MYO10: variants seen among roughly 807,000 people sequenced by gnomAD.
MYO10 encodes myosin X, also known as unconventional myosin-X.
MYO10 carries 133 observed loss-of-function variants against 257.3 expected under a neutral mutation model. That is an observed-to-expected ratio of 0.52 (90% CI 0.45 to 0.60). The LOEUF (loss-of-function observed/expected upper bound fraction) is 0.60, where lower values mean the gene tolerates loss of function less well. MYO10 is among the 20% of genes least tolerant of loss of function. MYO10 has a pLI of 0.00. For synonymous variants in MYO10, 1,104 were observed against 1,028.6 expected, an observed-to-expected ratio of 1.07 and a Z score of -1.40; for missense variants, 2,399 against 2,635.7, an observed-to-expected ratio of 0.91 and a Z score of 1.97.
intron 19 of MYO10, among the ~76,000 whole-genome samples, chr5:16,711,742 T>C (rs1738630940): frequency 6.6e-6 from 1 of 150,662 alleles, no homozygotes; most frequent in South Asian, 2.1e-4. Context: ...GCCACTGCAC[T>C]ACAGCCTGGT....
At chr5:16,825,791 A>G (rs1742982181) in intron 2 of MYO10, among the ~76,000 whole-genome samples, 1 of 152,116 alleles carries the variant, frequency 6.6e-6, no homozygotes, top group Non-Finnish European at 1.5e-5. Context: ...GGACATTGCA[A>G]TTTGCTGAGA....
At chr5:16,934,141 A>G (rs573223712) in intron 1 of MYO10, among the ~76,000 whole-genome samples, 1 of 152,374 alleles carries the variant, frequency 6.6e-6, no homozygotes, top group South Asian at 2.1e-4. Flanking sequence ...GTGCAAGATG[A>G]AAAGAGTACT....
chr5:16,763,518 C>CGATA lies in MYO10; in HGVS notation c.1456_1457insTATC (p.Trp486LeufsTer13). 6.2e-7 allele frequency: 1 copy of CGATA among 1,612,244 alleles called. No homozygotes were observed. Among genetic ancestry groups the CGATA allele is most frequent in the Non-Finnish European group, 8.5e-7 (1 of 1,178,420 alleles). On this transcript the variant is annotated frameshift_variant, in exon 14 of 41. Coordinates refer to ENST00000513610, the MANE Select transcript of MYO10 (RefSeq NM_012334.3). LOFTEE classifies it high-confidence loss of function. The stretch of plus-strand genomic sequence containing the variant: ...GTCCAGGCATTCTCCATTGTCTATC[C>CGATA]AGTCAATATCTTCCCACACTAATCC...
intron 9 of MYO10, among the ~76,000 whole-genome samples, chr5:16,773,197 TA>T (rs1741106119): frequency 6.6e-6 from 1 of 152,226 alleles, no homozygotes; most frequent in Admixed American, 6.5e-5. Context: ...TTATCAATTT[TA>T]AAAAGCCTAT....
rs374960752 is a variant in MYO10, at chr5:16,673,835, G to A, written c.5019C>T (p.Tyr1673=). The change falls in exon 36 of 41, where the codon TAC becomes TAT. Residue 1673 remains tyrosine, a synonymous_variant. Transcript: ENST00000513610. ...SEMEKYALFT[Y]ESLKKTKCRE... ...GGCATTTGGTTTTCTTAAGAGATTC[G>A]TAAGTGAAGAGAGCGTATTTTTCCA... 52 of 1,613,830 alleles carry A rather than the reference G, an allele frequency of 3.2e-5. No homozygotes were observed. Among genetic ancestry groups the A allele is most frequent in the African/African-American group, 5.3e-5 (4 of 74,904 alleles).
In MYO10 at chr5:16,713,391, A is replaced by C. The variant is rs1342223485; in HGVS notation, c.1930-2146T>G. 3.0e-6 allele frequency: 3 copies of C among 985,720 alleles called. No homozygotes were observed. The African/African-American group carries it at 5.2e-5, about 17-fold the overall frequency. 61.1% of individuals were successfully genotyped at this position (985,720 alleles called of 1,614,324 possible). On this transcript the variant is annotated intron_variant, in intron 19 of 40. Transcript: ENST00000513610. Reference sequence around the variant, plus strand: ...GTTTGGCTCTTGGGCCAAAATTCATATGGAAAACAACTGCCACACTGACCT... The same window carrying C: ...GTTTGGCTCTTGGGCCAAAATTCATCTGGAAAACAACTGCCACACTGACCT...
chr5:16,814,593 A>G (rs1417301331), intron 3 of MYO10: 1 of 152,148 alleles, frequency 6.6e-6, no homozygotes, highest in African/African-American at 2.4e-5. Flanking sequence ...CCAGGATCAA[A>G]TGTGGAGAAG....
At chr5:16,891,913 A>C (rs1264228504) in intron 1 of MYO10, among the ~76,000 whole-genome samples, 1 of 152,236 alleles carries the variant, frequency 6.6e-6, no homozygotes, top group Non-Finnish European at 1.5e-5. Context: ...CACAAGCGAG[A>C]CCTGTACAAA....
intron 33 of MYO10, among the ~76,000 whole-genome samples, chr5:16,677,463 C>T (rs1171917473): frequency 2.2e-4 from 29 of 128,940 alleles, no homozygotes; most frequent in Admixed American, 1.0e-3. Flanking sequence ...TCGCCCAGGC[C>T]GGAGTGCAGT....
At position 16,812,284 on chromosome 5, in the gene MYO10, G is replaced by A. The variant is rs191739930; in HGVS notation, c.279+5725C>T. On this transcript the variant is annotated intron_variant, in intron 3 of 40. Transcript: ENST00000513610. ...GAATCTAACAGGGGCATAGAAGGCC[G>A]GGCTTCTGCACAGGCAGTTACAGCC... is the stretch of plus-strand genomic sequence containing the variant. Among the ~76,000 whole-genome samples, 287 of 152,264 alleles carry A rather than the reference G, an allele frequency of 1.9e-3. 2 individuals are homozygous for A. Among genetic ancestry groups the A allele is most frequent in the African/African-American group, 6.4e-3 (266 of 41,548 alleles).
At chr5:16,672,910 A>G in intron 36 of MYO10, 85 bp from the exon 37 acceptor site, 3 of 1,484,112 alleles carry the variant, frequency 2.0e-6, no homozygotes, top group Non-Finnish European at 2.7e-6. Flanking sequence ...CTGATCCCAG[A>G]GGGAGCTGCT....
intron 1 of MYO10, among the ~76,000 whole-genome samples, chr5:16,909,603 C>T (rs897667162): frequency 2.0e-5 from 3 of 151,824 alleles, no homozygotes; most frequent in Admixed American, 1.3e-4. Flanking sequence ...GATTCAATTA[C>T]CTTCCACTGG....
intron 2 of MYO10, among the ~76,000 whole-genome samples, chr5:16,875,500 TTGG>T (rs1468425919): frequency 6.6e-6 from 1 of 152,196 alleles, no homozygotes; most frequent in Non-Finnish European, 1.5e-5. Context: ...AGACTGGGTG[TTGG>T]TGAAGTGTCC....
chr5:16,860,146 G>C (rs568256919), intron 2 of MYO10, among the ~76,000 whole-genome samples: 1 of 152,046 alleles, frequency 6.6e-6, no homozygotes, highest in Admixed American at 6.6e-5. Context: ...TTCTGTTTTA[G>C]ACACAAAAAG....
intron 19 of MYO10, among the ~76,000 whole-genome samples, chr5:16,744,750 A>G (rs1740136102): frequency 6.6e-6 from 1 of 152,134 alleles, no homozygotes; most frequent in Non-Finnish European, 1.5e-5. Context: ...ACAACATGAA[A>G]GCAAACACAG....
At chr5:16,849,335 A>G (rs758065559) in intron 2 of MYO10, among the ~76,000 whole-genome samples, 10 of 152,214 alleles carry the variant, frequency 6.6e-5, no homozygotes, top group Non-Finnish European at 1.0e-4. Flanking sequence ...GCTTCTAGGC[A>G]TACTCTTCAA....
chr5:16,710,347 C>T (rs1489767792), intron 21 of MYO10, among the ~76,000 whole-genome samples: 1 of 152,096 alleles, frequency 6.6e-6, no homozygotes, highest in Non-Finnish European at 1.5e-5. Flanking sequence ...TGTTCAGGCC[C>T]GACTGCCCAT....
intron 19 of MYO10, among the ~76,000 whole-genome samples, chr5:16,723,412 C>T (rs1371214023): frequency 1.3e-5 from 2 of 151,766 alleles, no homozygotes; most frequent in African/African-American, 2.4e-5. Flanking sequence ...AAAATTAAAA[C>T]GATAATGAAG....
At position 16,776,220 on chromosome 5, in the gene MYO10, T is replaced by C. The variant is rs553129517; in HGVS notation, c.930+3325A>G. 4.6e-5 allele frequency among the ~76,000 whole-genome samples: 7 copies of C among 152,280 alleles called. No individual in the cohort carries two copies. In the South Asian group the frequency reaches 1.5e-3, roughly 32 times the overall value. Reference sequence around the variant, plus strand: ...CCTATCCCCCAATTCTTGATTCTCATAGGTTTGGGAGAAGAAAATCTTATT... The same window carrying C: ...CCTATCCCCCAATTCTTGATTCTCACAGGTTTGGGAGAAGAAAATCTTATT... On this transcript the variant is annotated intron_variant, in intron 9 of 40. Coordinates refer to ENST00000513610, the MANE Select transcript of MYO10 (RefSeq NM_012334.3).
Sources: gnomAD v4.1 joint callset for allele counts (sites outside exome capture counted in the v4.1 genomes callset) on GRCh38, gnomAD v4.1.1 for gene constraint, MANE v1.5 for transcripts, NCBI Gene and HGNC (gene_info 2026-07-23, HGNC 2026-07-21) for gene names.